Variants in TNRC6A observed in about 807,000 individuals in gnomAD.
TNRC6A encodes the protein trinucleotide repeat containing adaptor 6A.
A neutral mutation model predicts 221.2 loss-of-function variants in TNRC6A; 44 were observed. That is an observed-to-expected ratio of 0.20 (90% CI 0.16 to 0.26). TNRC6A has a LOEUF of 0.26. TNRC6A is among the 10% of genes least tolerant of loss of function. The pLI, the probability that TNRC6A is intolerant of heterozygous loss-of-function variation, is 1.00. For missense variants in TNRC6A, 2,199 were observed against 2,404.4 expected (o/e 0.91, Z 1.79); for synonymous variants, 847 against 838.5 (o/e 1.01, Z -0.18).
intron 17 of TNRC6A, 38 bp from the exon 18 acceptor site, chr16:24,809,312 T>C (rs749379081): frequency 6.8e-7 from 1 of 1,465,342 alleles, no homozygotes; most frequent in East Asian, 2.4e-5. Context: ...AAATGTGCTG[T>C]ATTTTCTAAG....
chr16:24,646,851 C>T (rs188116512), intron 2 of TNRC6A, among the ~76,000 whole-genome samples: 231 of 151,466 alleles, frequency 1.5e-3, no homozygotes, highest in Admixed American at 3.9e-3. Flanking sequence ...AGCTTTAATA[C>T]GTTCTTTCAT....
At chr16:24,642,663 C>CA (rs1298743193) in intron 2 of TNRC6A, among the ~76,000 whole-genome samples, 3 of 151,958 alleles carry the variant, frequency 2.0e-5, no homozygotes, top group East Asian at 1.9e-4. Context: ...ACTAAAAATA[C>CA]AAAAAAATTA....
At chr16:24,683,599 A>G (rs62027135) in intron 2 of TNRC6A, among the ~76,000 whole-genome samples, 41,203 of 151,932 alleles carry the variant, frequency 0.27, 5,885 homozygotes, top group Admixed American at 0.38. Flanking sequence ...CCTCTTCCCC[A>G]TGGGAGGTGG....
intron 5 of TNRC6A, among the ~76,000 whole-genome samples, chr16:24,780,516 G>A (rs1340509583): frequency 1.3e-5 from 2 of 152,138 alleles, no homozygotes; most frequent in Non-Finnish European, 1.5e-5. Flanking sequence ...TTTGTTCACA[G>A]TATGTTAGTG....
At chr16:24,761,442 A>G (rs1356662059) in intron 4 of TNRC6A, among the ~76,000 whole-genome samples, 1 of 152,198 alleles carries the variant, frequency 6.6e-6, no homozygotes, top group East Asian at 1.9e-4. Flanking sequence ...CCTGTGGTAT[A>G]TGTAATGTAA....
intron 11 of TNRC6A, 54 bp from the exon 12 acceptor site, chr16:24,804,123 C>T (rs1249530307): frequency 6.5e-7 from 1 of 1,529,796 alleles, no homozygotes; most frequent in Non-Finnish European, 8.7e-7. Context: ...GTAAATTTAT[C>T]TGAAACCAAT....
At chr16:24,694,744 G>A (rs1232030328) in intron 2 of TNRC6A, among the ~76,000 whole-genome samples, 1 of 150,910 alleles carries the variant, frequency 6.6e-6, no homozygotes, top group Admixed American at 6.6e-5. Context: ...GACCAGCCTG[G>A]GCAACGTAGC....
intron 2 of TNRC6A, chr16:24,664,844 G>A (rs1258940621): frequency 6.6e-6 from 3 of 452,400 alleles, no homozygotes; most frequent in South Asian, 4.7e-5. Context: ...AAACCTTTCT[G>A]TAAATGAAGG....
intron 6 of TNRC6A, 87 bp from the exon 7 acceptor site, chr16:24,793,386 G>T: frequency 1.0e-6 from 1 of 991,330 alleles, no homozygotes; most frequent in Non-Finnish European, 1.4e-6. Flanking sequence ...CTTCATCCTT[G>T]GTCCCTAAGT....
intron 2 of TNRC6A, among the ~76,000 whole-genome samples, chr16:24,669,922 T>C (rs184864803): frequency 2.2e-3 from 312 of 144,948 alleles, no homozygotes; most frequent in African/African-American, 7.4e-3. Context: ...GTTCTCGTTA[T>C]GACCCTATGA....
At position 24,805,050 on chromosome 16, in the gene TNRC6A, G is replaced by A; in HGVS notation, c.4021G>A (p.Ala1341Thr). The change falls in exon 14 of 25, where the codon GCA (alanine) becomes ACA (threonine). Residue 1341 changes from alanine (A) to threonine (T), a missense_variant. Ala to Thr is a moderately conservative substitution (Grantham distance 58). This residue lies in a region of TNRC6A where 449 missense variants were observed against 579.7 expected (regional missense o/e 0.77). Transcript: ENST00000395799. ...CAGTATGTTTGGTGTTGGAAACACA[G>A]CAGCACAACCCCGGGGCATGCAGCA... ...NPSMFGVGNTAAQPRGMQQPP... is the reference protein window; with the variant it reads ...NPSMFGVGNTTAQPRGMQQPP... 1 of 1,614,216 alleles carries A rather than the reference G, an allele frequency of 6.2e-7. No individual in the cohort carries two copies. Among genetic ancestry groups the A allele is most frequent in the Non-Finnish European group, 8.5e-7 (1 of 1,180,036 alleles).
At chr16:24,696,285 T>C (rs2055858085) in intron 2 of TNRC6A, among the ~76,000 whole-genome samples, 1 of 149,430 alleles carries the variant, frequency 6.7e-6, no homozygotes, top group Non-Finnish European at 1.5e-5. Flanking sequence ...GAGGCGGAGC[T>C]TGCAGTGAGC....
chr16:24,723,495 G>A (rs1341113595), intron 2 of TNRC6A, among the ~76,000 whole-genome samples: 4 of 151,772 alleles, frequency 2.6e-5, no homozygotes, highest in African/African-American at 9.7e-5. Context: ...CTGGGGGGCT[G>A]AGACAGGAGA....
Position 24,823,876 on chromosome 16 carries a change from C to T in TNRC6A, c.*69C>T, listed in dbSNP as rs1400927151. Reference sequence around the variant, plus strand: ...GAAAGGAGCACTAAGTGGGGCTCGCCGCCTGCAGCCAGGGGCCGCCTGTGG... The same window carrying T: ...GAAAGGAGCACTAAGTGGGGCTCGCTGCCTGCAGCCAGGGGCCGCCTGTGG... On this transcript the variant is annotated 3_prime_UTR_variant, in exon 25 of 25. Transcript: ENST00000395799. This position sits in a 1 kb window ranked among gnomAD's most constrained non-coding sequence, Gnocchi z 4.3. 1.4e-5 allele frequency: 19 copies of T among 1,358,244 alleles called. No individual in the cohort carries two copies. The highest frequency in any genetic ancestry group is 7.3e-5 in the South Asian group (3 of 40,858). The allele number at this position is 1,358,244 out of a possible 1,614,324, so 84.1% of individuals were successfully genotyped here.
intron 2 of TNRC6A, among the ~76,000 whole-genome samples, chr16:24,665,225 A>T (rs1018193254): frequency 6.6e-5 from 10 of 151,798 alleles, no homozygotes; most frequent in Non-Finnish European, 1.3e-4. Flanking sequence ...TCATGTTTTT[A>T]AAACTGGCTA....
intron 2 of TNRC6A, among the ~76,000 whole-genome samples, chr16:24,704,623 C>T: frequency 7.2e-6 from 1 of 138,106 alleles, no homozygotes; most frequent in African/African-American, 2.7e-5. Context: ...CAACATCACA[C>T]CACAGCACTC....
chr16:24,715,764 C>T (rs1005320654), intron 2 of TNRC6A, among the ~76,000 whole-genome samples: 21 of 151,914 alleles, frequency 1.4e-4, no homozygotes, highest in Non-Finnish European at 2.5e-4. Flanking sequence ...ACTACAGGTG[C>T]ATGCCACCAA....
intron 4 of TNRC6A, among the ~76,000 whole-genome samples, chr16:24,759,030 A>C (rs900736682): frequency 2.0e-5 from 3 of 152,170 alleles, no homozygotes; most frequent in Non-Finnish European, 4.4e-5. Flanking sequence ...CTGAATTTTT[A>C]TTTTAAGCTC....
intron 3 of TNRC6A, 37 bp from the exon 4 acceptor site, chr16:24,758,302 A>G (rs760614997): frequency 1.9e-6 from 3 of 1,587,194 alleles, no homozygotes; most frequent in Admixed American, 3.4e-5. Flanking sequence ...TCAGTTTCAT[A>G]TTTACATTGT....
Sources: gnomAD v4.1 joint callset for allele counts (sites outside exome capture counted in the v4.1 genomes callset) on GRCh38, gnomAD v4.1.1 for gene constraint, gnomAD v4.1.1 regional missense constraint, Gnocchi (gnomAD v3.1) non-coding constraint, MANE v1.5 for transcripts, NCBI Gene and HGNC (gene_info 2026-07-23, HGNC 2026-07-21) for gene names.